Variants in DNAJC16 observed in about 807,000 individuals in gnomAD.
DNAJC16 encodes the protein DnaJ heat shock protein family (Hsp40) member C16, also known as dnaJ homolog subfamily C member 16.
Under a neutral mutation model 92.7 loss-of-function variants are expected in DNAJC16, and 76 were observed. The ratio of observed to expected loss-of-function variants is 0.82; its 90% CI spans 0.68 to 0.99. The LOEUF is 0.99. DNAJC16 is among the 50% of genes least tolerant of loss of function. The pLI is 0.00. For missense variants in DNAJC16, 869 were observed against 942.4 expected (o/e 0.92, Z 1.02); for synonymous variants, 328 against 358.7 (o/e 0.91, Z 0.97).
intron 4 of DNAJC16, among the ~76,000 whole-genome samples, chr1:15,544,069 T>C (rs957707185): frequency 2.6e-5 from 4 of 151,612 alleles, no homozygotes; most frequent in African/African-American, 4.9e-5. Context: ...AAATATATGG[T>C]TGGATGAAAG....
intron 7 of DNAJC16, among the ~76,000 whole-genome samples, chr1:15,552,757 A>T (rs1480990124): frequency 2.1e-5 from 3 of 144,278 alleles, no homozygotes; most frequent in Admixed American, 6.9e-5. Flanking sequence ...GTGTCTTTTT[A>T]TTATTATTAT....
At chr1:15,533,808 TA>T (rs1320394523) in intron 2 of DNAJC16, among the ~76,000 whole-genome samples, 1 of 152,252 alleles carries the variant, frequency 6.6e-6, no homozygotes, top group East Asian at 1.9e-4. Context: ...CTACCTGTGT[TA>T]TCAGAAGAAA....
chr1:15,552,150 G>A (rs1472666725), intron 7 of DNAJC16, among the ~76,000 whole-genome samples: 1 of 151,960 alleles, frequency 6.6e-6, no homozygotes, highest in Non-Finnish European at 1.5e-5. Context: ...GGGATTACAG[G>A]TGTGAGCCAC....
chr1:15,557,463 C>T lies in DNAJC16; in HGVS notation c.1024-2063C>T, dbSNP rs530911794. Among the ~76,000 whole-genome samples, 5 of 152,092 alleles carry T rather than the reference C, an allele frequency of 3.3e-5. No homozygotes were observed. The East Asian group carries it at 9.6e-4, about 29-fold the overall frequency. On this transcript the variant is annotated intron_variant, in intron 7 of 14. Transcript: ENST00000375847. ...AGCTTTTTCAAAGAACCAGTTTTGT[C>T]TTTGTTAATTCTTCTTCTTATATTA...
At position 15,564,093 on chromosome 1, in the gene DNAJC16, G is replaced by A. The variant is rs1397385996; in HGVS notation, c.1503G>A (p.Leu501=). ...CCTCTGAAGCAGTGCTTCCTGACCTGACCGATGAACTTGCCCCTGTGAGCA... is the reference window on the plus strand; with the variant it reads ...CCTCTGAAGCAGTGCTTCCTGACCTAACCGATGAACTTGCCCCTGTGAGCA... ...LLSSEAVLPD[L]TDELAPVFLL... The change falls in exon 10 of 15, where the codon CTG becomes CTA. Residue 501 remains leucine, a synonymous_variant. Coordinates refer to ENST00000375847, the MANE Select transcript of DNAJC16 (RefSeq NM_015291.4). The A allele has an allele frequency of 7.4e-6, 12 of 1,613,944 alleles. No individual in the cohort carries two copies. Among genetic ancestry groups the A allele is most frequent in the Non-Finnish European group, 1.0e-5 (12 of 1,180,000 alleles).
In DNAJC16 at chr1:15,571,405, C is replaced by CAA. The variant is rs1184733550; in HGVS notation, c.*3230_*3231dup. On this transcript the variant is annotated 3_prime_UTR_variant, in exon 15 of 15. Coordinates refer to ENST00000375847, the MANE Select transcript of DNAJC16 (RefSeq NM_015291.4). The stretch of plus-strand genomic sequence containing the variant: ...ACTAGAATTCTTTAAAAGCTGATGC[C>CAA]AAACATCTTTACAGAGGAACTGTAG... 2.0e-5 allele frequency: 3 copies of CAA among 152,542 alleles called. No homozygotes were observed. The highest frequency in any genetic ancestry group is 6.6e-5 in the Admixed American group (1 of 15,254). The allele number at this position is 152,542 out of a possible 1,614,324, so 9.4% of individuals were successfully genotyped here.
intron 7 of DNAJC16, among the ~76,000 whole-genome samples, chr1:15,550,012 GTTTCAGGCACC>G (rs1638409100): frequency 6.6e-6 from 1 of 152,148 alleles, no homozygotes; most frequent in South Asian, 2.1e-4. Flanking sequence ...GTACTATGTG[GTTTCAGGCACC>G]TACTGGGGGT....
chr1:15,541,733 G>A (rs187163468), intron 4 of DNAJC16, among the ~76,000 whole-genome samples: 1 of 152,260 alleles, frequency 6.6e-6, no homozygotes, highest in Non-Finnish European at 1.5e-5. Flanking sequence ...GTACAAGGAT[G>A]CCCGTCAGCA....
At chr1:15,539,004 A>C (rs1202365335) in intron 4 of DNAJC16, among the ~76,000 whole-genome samples, 3 of 152,178 alleles carry the variant, frequency 2.0e-5, no homozygotes, top group African/African-American at 4.8e-5. Flanking sequence ...GTGTATGTGC[A>C]GCTGAGGGGG....
At chr1:15,528,298 G>A (rs1012084906) in intron 1 of DNAJC16, among the ~76,000 whole-genome samples, 1 of 152,192 alleles carries the variant, frequency 6.6e-6, no homozygotes, top group Non-Finnish European at 1.5e-5. Flanking sequence ...GCTAGGCAGG[G>A]TGGCGCATGC....
In DNAJC16 at chr1:15,548,365, T is replaced by C. The variant is rs1381521584; in HGVS notation, c.960T>C (p.Asn320=). ...TEEMTRRYNI[N]IYAPTLLVFK... is the part of the protein sequence containing the mutation. ...AGATGACAAGGCGGTACAACATCAA[T>C]ATCTACGCCCCTACCCTCTTGGTCT... The change falls in exon 7 of 15, where the codon AAT becomes AAC. Residue 320 remains asparagine (N), a synonymous_variant. Transcript: ENST00000375847. 2 of 1,614,172 alleles carry C rather than the reference T, an allele frequency of 1.2e-6. No homozygotes were observed. The highest frequency in any genetic ancestry group is 4.5e-5 in the East Asian group (2 of 44,884).
At chr1:15,537,367 T>A (rs1014245234) in intron 4 of DNAJC16, among the ~76,000 whole-genome samples, 13 of 152,296 alleles carry the variant, frequency 8.5e-5, no homozygotes, top group African/African-American at 3.1e-4. Context: ...TAAAGAGAAG[T>A]GTGCTGTGGA....
At position 15,526,908 on chromosome 1, in the gene DNAJC16, GAACT is replaced by G. The variant is rs1710526326; in HGVS notation, c.-64_-61del. On this transcript the variant is annotated 5_prime_UTR_variant, in exon 1 of 15. Coordinates refer to ENST00000375847, the MANE Select transcript of DNAJC16 (RefSeq NM_015291.4). ...GTGGACGGGAAGCTCCCGGCCCGGC[GAACT>G]AACTGGAGCACGGAGCTGCAGCCGG... 1 of 152,362 alleles carries G rather than the reference GAACT, an allele frequency of 6.6e-6. No individual in the cohort carries two copies. Among genetic ancestry groups the G allele is most frequent in the Admixed American group, 6.5e-5 (1 of 15,292 alleles). 9.4% of individuals were successfully genotyped at this position (152,362 alleles called of 1,614,324 possible).
chr1:15,558,549 CT>C (rs1243680889), intron 7 of DNAJC16, among the ~76,000 whole-genome samples: 1 of 152,042 alleles, frequency 6.6e-6, no homozygotes, highest in Non-Finnish European at 1.5e-5. Flanking sequence ...ACAGGCTGGT[CT>C]CTAACTCTTG....
Position 15,563,947 on chromosome 1 carries a change from C to T in DNAJC16, c.1357C>T (p.Arg453Cys), listed in dbSNP as rs777085250. ...CTTCCAGGTGTCTATTTTAGAAAGG[C>T]GCAACACAGCAGGAAGGGTGGTGTA... ...GKSAVSILER[R>C]NTAGRVVYKT... Residue 453 changes from arginine to cysteine, a missense_variant, in exon 10 of 15, where the codon CGC becomes TGC. Arg to Cys is a radical substitution (Grantham distance 180). Coordinates refer to ENST00000375847, the MANE Select transcript of DNAJC16 (RefSeq NM_015291.4). 1.5e-5 allele frequency: 25 copies of T among 1,613,272 alleles called. No individual in the cohort carries two copies. Among genetic ancestry groups the T allele is most frequent in the Non-Finnish European group, 2.0e-5 (24 of 1,179,788 alleles).
intron 1 of DNAJC16, among the ~76,000 whole-genome samples, chr1:15,528,020 A>C (rs571911689): frequency 3.8e-4 from 58 of 152,374 alleles, no homozygotes; most frequent in Non-Finnish European, 5.7e-4. Context: ...TACTCACCAG[A>C]GATGGAGCTT....
In DNAJC16 at chr1:15,564,273, C is replaced by T; in HGVS notation, c.1522-10C>T. 1 of 1,592,848 alleles carries T rather than the reference C, an allele frequency of 6.3e-7. No individual in the cohort carries two copies. ...TAGTCCTGACCATCATCCATTTTCTCTCTACATAGGTTTTTCTCCTTCGAT... is the reference window on the plus strand; with the variant it reads ...TAGTCCTGACCATCATCCATTTTCTTTCTACATAGGTTTTTCTCCTTCGAT... On this transcript the variant is annotated splice_polypyrimidine_tract_variant and intron_variant, in intron 10 of 14. Transcript: ENST00000375847.
chr1:15,537,606 A>G (rs1403910459), intron 4 of DNAJC16, among the ~76,000 whole-genome samples: 1 of 152,192 alleles, frequency 6.6e-6, no homozygotes, highest in Non-Finnish European at 1.5e-5. Flanking sequence ...TTCATGTTCC[A>G]ATTACTGTAT....
intron 11 of DNAJC16, 172 bp from the exon 12 acceptor site, chr1:15,565,747 T>A (rs1377669337): frequency 1.5e-6 from 1 of 660,252 alleles, no homozygotes; most frequent in Non-Finnish European, 2.7e-6. Flanking sequence ...CACTGAGCAA[T>A]CTCTACCTTC....
Sources: gnomAD v4.1 joint callset for allele counts (sites outside exome capture counted in the v4.1 genomes callset) on GRCh38, gnomAD v4.1.1 for gene constraint, MANE v1.5 for transcripts, NCBI Gene and HGNC (gene_info 2026-07-23, HGNC 2026-07-21) for gene names.